The following ZDHHC11 variants were observed in gnomAD, a reference collection of about 807,000 sequenced individuals.
The protein encoded by ZDHHC11 is palmitoyltransferase ZDHHC11.
Under a neutral mutation model 51.3 loss-of-function variants are expected in ZDHHC11, and 44 were observed. The observed-to-expected ratio is 0.86, with a 90% CI of 0.67 to 1.10. The LOEUF is 1.10. Among genes scored for constraint, ZDHHC11 ranks in the 50% least tolerant of loss-of-function variants. ZDHHC11 has a pLI of 0.00. For missense variants in ZDHHC11, 400 were observed against 537.7 expected, an observed-to-expected ratio of 0.74 and a Z score of 2.53; for synonymous variants, 163 against 222.0, an observed-to-expected ratio of 0.73 and a Z score of 2.36.
chr5:846,661 T>A (rs1161081701), intron 3 of ZDHHC11, among the ~76,000 whole-genome samples: 4 of 143,048 alleles, frequency 2.8e-5, no homozygotes, highest in African/African-American at 1.1e-4. Context: ...GGGAAATACC[T>A]CTCGCCTGTG....
intron 12 of ZDHHC11, among the ~76,000 whole-genome samples, chr5:797,146 G>T (rs1408581451): frequency 6.6e-6 from 1 of 151,306 alleles, no homozygotes; most frequent in Non-Finnish European, 1.5e-5. Flanking sequence ...GGCGGAGTTT[G>T]CAGTGAGCCA....
At chr5:801,283 G>A in intron 11 of ZDHHC11, 119 bp from the exon 12 acceptor site, 7 of 1,265,582 alleles carry the variant, frequency 5.5e-6, no homozygotes, top group Non-Finnish European at 7.8e-6. Context: ...CTTGTGACGT[G>A]GGCAATCACT....
At chr5:809,374 G>A (rs1207200407) in intron 11 of ZDHHC11, among the ~76,000 whole-genome samples, 1 of 141,974 alleles carries the variant, frequency 7.0e-6, no homozygotes, top group African/African-American at 2.9e-5. Context: ...TAACCCCAGC[G>A]TTGTGTGTCA....
intron 11 of ZDHHC11, among the ~76,000 whole-genome samples, chr5:802,738 C>T (rs1738612478): frequency 7.2e-6 from 1 of 139,298 alleles, no homozygotes. Flanking sequence ...CTTTGGGAGA[C>T]CGAGGTGGGT....
At chr5:854,141 G>A (rs1747762783), upstream of ZDHHC11, among the ~76,000 whole-genome samples, 1 of 148,122 alleles carries the variant, frequency 6.8e-6, no homozygotes, top group Non-Finnish European at 1.5e-5. Context: ...CCCCACAGAG[G>A]ACAGCGAGCC....
chr5:850,654 G>GT lies in ZDHHC11; in HGVS notation c.-53_-52insA, dbSNP rs767911005. The GT allele has an allele frequency of 1.3e-6, 2 of 1,588,584 alleles. No individual in the cohort carries two copies. The highest frequency in any genetic ancestry group is 1.7e-6 in the Non-Finnish European group (2 of 1,170,524). ...GCGCCGTCAGATCCTGGGAGGGCCG[G>GT]CCCCGCCCACTGTCACAGAGACCAA... On this transcript the variant is annotated 5_prime_UTR_variant, in exon 1 of 13. The change abolishes the stop of an existing upstream ORF in the 5' untranslated region. Transcript: ENST00000283441.
At chr5:821,047 T>C (rs371462434) in intron 9 of ZDHHC11, 1 of 151,366 alleles carries the variant, frequency 6.6e-6, no homozygotes, top group Non-Finnish European at 1.5e-5. Flanking sequence ...TAAAATAACC[T>C]TATCTCTTAA....
chr5:840,560 A>T lies in ZDHHC11; in HGVS notation c.719T>A (p.Val240Glu). 2 of 1,613,904 alleles carry T rather than the reference A, an allele frequency of 1.2e-6. No homozygotes were observed. Among genetic ancestry groups the T allele is most frequent in the East Asian group, 4.5e-5 (2 of 44,890 alleles). ...TLIVVIIGML[V>E]LLLDFLGLVH... ...CAAGCCAAGAAAGTCCAGCAGGAGC[A>T]CGAGCATCCCGATGATCACGACTAT... Residue 240 changes from valine (V) to glutamate (E), a missense_variant, in exon 5 of 13, where the codon GTG becomes GAG. Val to Glu is a moderately radical substitution (Grantham distance 121). Coordinates refer to ENST00000283441, the MANE Select transcript of ZDHHC11 (RefSeq NM_024786.3).
rs1428868358 is a variant in ZDHHC11, at chr5:803,380, T to G, written c.1182-2216A>C. ...GCTAGATATTTGAGGAAATCTTTGA[T>G]AGTTCACTAACTGGTCATAGAGATA... On this transcript the variant is annotated intron_variant, in intron 11 of 12. Transcript: ENST00000283441. 1.3e-5 allele frequency among the ~76,000 whole-genome samples: 2 copies of G among 151,028 alleles called. 1 individual carries two copies. Among genetic ancestry groups the G allele is most frequent in the African/African-American group, 4.9e-5 (2 of 41,186 alleles).
At chr5:819,715 G>T in intron 9 of ZDHHC11, 103 bp from the exon 10 acceptor site, 1 of 1,225,496 alleles carries the variant, frequency 8.2e-7, no homozygotes, top group Non-Finnish European at 1.2e-6. Context: ...CTGCAGTGGG[G>T]CCCATGTGTC....
At chr5:837,226 C>T (rs1743999569) in intron 6 of ZDHHC11, 139 bp downstream of exon 6, 1 of 942,864 alleles carries the variant, frequency 1.1e-6, no homozygotes, top group Admixed American at 2.0e-5. Context: ...CAGAGCCTCA[C>T]ACACAGACAC....
intron 4 of ZDHHC11, chr5:841,954 C>A: frequency 1.0e-6 from 1 of 989,782 alleles, no homozygotes; most frequent in African/African-American, 1.7e-5. Context: ...CCTGACAGGA[C>A]CGCAGCTCCA....
upstream of ZDHHC11, among the ~76,000 whole-genome samples, chr5:855,571 C>T (rs564787455): frequency 6.5e-5 from 9 of 138,134 alleles, no homozygotes; most frequent in South Asian, 1.4e-3. Context: ...GACAGCAAGC[C>T]GGGGGGACAG....
At position 801,119 on chromosome 5, in the gene ZDHHC11, T is replaced by A; in HGVS notation, c.1227A>T (p.Glu409Asp). The change falls in exon 12 of 13, where the codon GAA becomes GAT. Residue 409 changes from glutamate (E) to aspartate (D), a missense_variant. Physicochemically the swap from Glu to Asp is conservative, Grantham distance 45. Coordinates refer to ENST00000283441, the MANE Select transcript of ZDHHC11 (RefSeq NM_024786.3). ...TCTTACCTGAATCTCAGTCTTCACTTTCAGCACTGTCAGTTTTCATGGGCT... is the reference window on the plus strand; with the variant it reads ...TCTTACCTGAATCTCAGTCTTCACTATCAGCACTGTCAGTTTTCATGGGCT... ...TTEPMKTDSA[E>D]SED 1 of 1,610,130 alleles carries A rather than the reference T, an allele frequency of 6.2e-7. No individual in the cohort carries two copies. Among genetic ancestry groups the A allele is most frequent in the Non-Finnish European group, 8.5e-7 (1 of 1,176,968 alleles).
At chr5:831,021 A>T (rs1484555679) in intron 7 of ZDHHC11, among the ~76,000 whole-genome samples, 2 of 150,684 alleles carry the variant, frequency 1.3e-5, no homozygotes, top group East Asian at 3.9e-4. Context: ...AATCTACAAG[A>T]TATCATCAGA....
intron 7 of ZDHHC11, among the ~76,000 whole-genome samples, chr5:828,971 T>C (rs1195593416): frequency 1.6e-5 from 2 of 128,446 alleles, no homozygotes; most frequent in African/African-American, 5.9e-5. Flanking sequence ...GCATGACTTA[T>C]CAAAACCTCA....
intron 11 of ZDHHC11, among the ~76,000 whole-genome samples, chr5:814,168 A>G (rs1273780205): frequency 6.9e-6 from 1 of 145,384 alleles, no homozygotes; most frequent in Non-Finnish European, 1.5e-5. Context: ...CTATTACTCT[A>G]TGTTCTGTGA....
chr5:860,475 C>T (rs1748737060), upstream of ZDHHC11, among the ~76,000 whole-genome samples: 1 of 152,292 alleles, frequency 6.6e-6, no homozygotes, highest in Non-Finnish European at 1.5e-5. The surrounding 1 kb of genome is among the most constrained non-coding windows in gnomAD (Gnocchi z 4.2). Flanking sequence ...CCCTCAAACA[C>T]ACCTGCACAC....
At chr5:843,912 ACACG>A (rs1561292805) in intron 3 of ZDHHC11, among the ~76,000 whole-genome samples, 188 bp from the exon 4 acceptor site, 7 of 105,380 alleles carry the variant, frequency 6.6e-5, no homozygotes, top group Non-Finnish European at 1.3e-4. Context: ...AGGGGCAGGG[ACACG>A]CAGGGCATCT....
Sources: allele counts gnomAD v4.1 joint callset (sites outside exome capture counted in the v4.1 genomes callset), GRCh38; gene constraint gnomAD v4.1.1; non-coding constraint Gnocchi (gnomAD v3.1); transcripts MANE v1.5; gene names NCBI Gene and HGNC (gene_info 2026-07-23, HGNC 2026-07-21).